Variants in BBS9 observed in about 807,000 individuals in gnomAD.
The protein encoded by BBS9 is protein PTHB1.
Under a neutral mutation model 117.7 loss-of-function variants are expected in BBS9, and 89 were observed. The ratio of observed to expected loss-of-function variants is 0.76; its 90% CI spans 0.64 to 0.90. BBS9 has a LOEUF of 0.90. Ranked by LOEUF, BBS9 falls within the 40% of genes least tolerant of loss-of-function variation. The probability of loss-of-function intolerance (pLI) is 0.00; values close to 1 mark genes in which losing one functional copy is unlikely to be tolerated. For synonymous variants in BBS9, 379 were observed against 370.9 expected (o/e 1.02, Z -0.25); for missense variants, 982 against 1,042.2 (o/e 0.94, Z 0.80).
intron 5 of BBS9, among the ~76,000 whole-genome samples, chr7:33,229,260 G>A (rs770719418): frequency 3.3e-5 from 5 of 151,864 alleles, no homozygotes; most frequent in Non-Finnish European, 7.4e-5. Flanking sequence ...ATTATCTATA[G>A]TCTTCATGTT....
chr7:33,421,782 T>TA (rs1832898199), intron 19 of BBS9, among the ~76,000 whole-genome samples: 1 of 152,204 alleles, frequency 6.6e-6, no homozygotes, highest in African/African-American at 2.4e-5. Context: ...TCTAATTTAC[T>TA]AAGTAACACT....
At chr7:33,208,566 A>G (rs1787397158) in intron 5 of BBS9, among the ~76,000 whole-genome samples, 1 of 152,308 alleles carries the variant, frequency 6.6e-6, no homozygotes, top group South Asian at 2.1e-4. Context: ...ACAGAATCTT[A>G]TAAGCCTTTC....
chr7:33,361,945 A>T (rs1820697741), intron 16 of BBS9, among the ~76,000 whole-genome samples: 1 of 152,110 alleles, frequency 6.6e-6, no homozygotes, highest in Admixed American at 6.5e-5. Flanking sequence ...TATAATTTTG[A>T]AAAGTTTGAT....
intron 19 of BBS9, among the ~76,000 whole-genome samples, chr7:33,463,565 C>T (rs930823427): frequency 4.6e-5 from 7 of 152,090 alleles, no homozygotes; most frequent in African/African-American, 1.7e-4. Context: ...TGTGCTTTTA[C>T]ACTTCTCTTA....
Position 33,154,949 on chromosome 7 carries a change from A to T in BBS9, c.264-689A>T, listed in dbSNP as rs148515392. On this transcript the variant is annotated intron_variant, in intron 3 of 22. Transcript: ENST00000242067. Reference sequence around the variant, plus strand: ...GTTCAGTCTCCAGTTAATCACAGCCATTTACACTCTTTACTCATTAACAAC... The same window carrying T: ...GTTCAGTCTCCAGTTAATCACAGCCTTTTACACTCTTTACTCATTAACAAC... Among the ~76,000 whole-genome samples the T allele has an allele frequency of 6.5e-3, 993 of 152,312 alleles. 10 individuals carry two copies. The highest frequency in any genetic ancestry group is 0.023 in the African/African-American group (955 of 41,554).
At chr7:33,419,986 A>T (rs1347135344) in intron 19 of BBS9, among the ~76,000 whole-genome samples, 3 of 152,158 alleles carry the variant, frequency 2.0e-5, no homozygotes, top group African/African-American at 7.2e-5. Context: ...TTTAATTTGA[A>T]GAAGTTTTGG....
At chr7:33,140,635 G>A (rs1177357669) in intron 1 of BBS9, among the ~76,000 whole-genome samples, 2 of 152,112 alleles carry the variant, frequency 1.3e-5, no homozygotes, top group South Asian at 2.1e-4. Context: ...CATATATAGT[G>A]AGAATATATG....
intron 9 of BBS9, among the ~76,000 whole-genome samples, chr7:33,285,162 A>G (rs1302118807): frequency 6.6e-6 from 1 of 152,134 alleles, no homozygotes; most frequent in Admixed American, 6.6e-5. Context: ...GGTAGTTATA[A>G]AATATGTTGC....
chr7:33,521,917 C>A (rs1159141370), intron 20 of BBS9, among the ~76,000 whole-genome samples: 1 of 120,094 alleles, frequency 8.3e-6, no homozygotes. Flanking sequence ...CCACCACAGT[C>A]CCCAGAGTGT....
At chr7:33,190,998 A>G (rs1784030113) in intron 5 of BBS9, among the ~76,000 whole-genome samples, 1 of 152,202 alleles carries the variant, frequency 6.6e-6, no homozygotes, top group African/African-American at 2.4e-5. Context: ...GTGCTTTGGC[A>G]GGATTGCATT....
At chr7:33,596,112 A>G (rs1469896842) in intron 21 of BBS9, among the ~76,000 whole-genome samples, 1 of 151,984 alleles carries the variant, frequency 6.6e-6, no homozygotes, top group African/African-American at 2.4e-5. Context: ...TAGGTGCAGC[A>G]AACCACTATG....
intron 9 of BBS9, among the ~76,000 whole-genome samples, chr7:33,276,410 A>G (rs1447685708): frequency 6.6e-6 from 1 of 152,224 alleles, no homozygotes; most frequent in Non-Finnish European, 1.5e-5. Flanking sequence ...TAAGTACAGA[A>G]CACCACAACT....
intron 21 of BBS9, among the ~76,000 whole-genome samples, chr7:33,576,588 C>T (rs1276735806): frequency 1.3e-5 from 2 of 152,062 alleles, no homozygotes; most frequent in African/African-American, 2.4e-5. Flanking sequence ...AAAAAGAGCC[C>T]GCTTTGCCAA....
intron 6 of BBS9, among the ~76,000 whole-genome samples, chr7:33,258,427 G>A (rs1158199616): frequency 2.6e-5 from 4 of 152,112 alleles, no homozygotes; most frequent in African/African-American, 9.7e-5. Context: ...TCATTGTCAA[G>A]GCATCTAGGG....
At chr7:33,561,817 C>G (rs1221323186) in intron 21 of BBS9, among the ~76,000 whole-genome samples, 1 of 152,102 alleles carries the variant, frequency 6.6e-6, no homozygotes, top group Non-Finnish European at 1.5e-5. Context: ...ATTAAACCAG[C>G]TGAAAATTCC....
chr7:33,485,510 C>T (rs545826855), intron 19 of BBS9, among the ~76,000 whole-genome samples: 11 of 152,004 alleles, frequency 7.2e-5, no homozygotes, highest in Non-Finnish European at 1.0e-4. Flanking sequence ...GGGGTTTCAC[C>T]GTGTTAGCCA....
chr7:33,584,344 T>C (rs1860526435), intron 21 of BBS9, among the ~76,000 whole-genome samples: 1 of 152,054 alleles, frequency 6.6e-6, no homozygotes. Flanking sequence ...TTATACTGCT[T>C]TGAATTTCTG....
intron 5 of BBS9, among the ~76,000 whole-genome samples, chr7:33,255,346 TC>T (rs1197422155): frequency 2.9e-5 from 2 of 70,006 alleles, no homozygotes; most frequent in African/African-American, 1.4e-4. Flanking sequence ...AAGATAAGGA[TC>T]TTTTTTTTTT....
chr7:33,336,076 T>C (rs1815297067), intron 9 of BBS9, among the ~76,000 whole-genome samples: 1 of 152,090 alleles, frequency 6.6e-6, no homozygotes, highest in African/African-American at 2.4e-5. Context: ...CCATTGTACC[T>C]CCAAAGTGTT....
Sources: allele counts gnomAD v4.1 joint callset (sites outside exome capture counted in the v4.1 genomes callset), GRCh38; gene constraint gnomAD v4.1.1; transcripts MANE v1.5; gene names NCBI Gene and HGNC (gene_info 2026-07-23, HGNC 2026-07-21).